The following NPAS3 variants were observed in gnomAD, a reference collection of about 807,000 sequenced individuals.
NPAS3 encodes neuronal PAS domain-containing protein 3.
Under a neutral mutation model 73.1 loss-of-function variants are expected in NPAS3, and 14 were observed. The ratio of observed to expected loss-of-function variants is 0.19; its 90% CI spans 0.13 to 0.30. The LOEUF is 0.30. NPAS3 is among the 10% of genes least tolerant of loss of function. The probability of loss-of-function intolerance (pLI) is 1.00; values close to 1 mark genes in which losing one functional copy is unlikely to be tolerated. For missense variants in NPAS3, 1,096 were observed against 1,250.0 expected, an observed-to-expected ratio of 0.88 and a Z score of 1.86; for synonymous variants, 620 against 541.5, an observed-to-expected ratio of 1.14 and a Z score of -2.01.
chr14:33,240,476 C>CTT (rs1023305844), intron 3 of NPAS3, among the ~76,000 whole-genome samples: 25 of 151,816 alleles, frequency 1.6e-4, no homozygotes, highest in Non-Finnish European at 2.7e-4. Context: ...ATAAAGCCTT[C>CTT]TTTTTGTGTT....
chr14:33,451,572 T>C (rs2049792584), intron 4 of NPAS3, among the ~76,000 whole-genome samples: 1 of 152,218 alleles, frequency 6.6e-6, no homozygotes, highest in Non-Finnish European at 1.5e-5. Context: ...GATAGACACT[T>C]TATAAGTTTT....
chr14:33,114,093 T>C (rs2042984000), intron 2 of NPAS3, among the ~76,000 whole-genome samples: 1 of 152,164 alleles, frequency 6.6e-6, no homozygotes, highest in South Asian at 2.1e-4. Flanking sequence ...TGGAGTGCAG[T>C]GGCACGATCT....
At chr14:33,712,009 G>T (rs139152288) in intron 6 of NPAS3, among the ~76,000 whole-genome samples, 1 of 152,152 alleles carries the variant, frequency 6.6e-6, no homozygotes, top group South Asian at 2.1e-4. Context: ...CTTCCTCTCC[G>T]TTTGTTCTCA....
intron 3 of NPAS3, among the ~76,000 whole-genome samples, chr14:33,256,888 G>T (rs903662914): frequency 6.6e-6 from 1 of 152,122 alleles, no homozygotes; most frequent in Non-Finnish European, 1.5e-5. Context: ...GGCTCTTAGC[G>T]GTCATTGAGA....
At chr14:33,118,120 A>G (rs532071090) in intron 2 of NPAS3, among the ~76,000 whole-genome samples, 2 of 152,170 alleles carry the variant, frequency 1.3e-5, no homozygotes, top group South Asian at 2.1e-4. Flanking sequence ...CTTTCACATA[A>G]TTGTTGTCTT....
chr14:33,565,696 G>T (rs780690510), intron 5 of NPAS3, among the ~76,000 whole-genome samples: 1 of 152,024 alleles, frequency 6.6e-6, no homozygotes, highest in Non-Finnish European at 1.5e-5. Flanking sequence ...CTAAAGAGCT[G>T]GAATATAAAG....
intron 2 of NPAS3, among the ~76,000 whole-genome samples, chr14:33,089,113 C>A (rs141030605): frequency 6.6e-6 from 1 of 152,212 alleles, no homozygotes; most frequent in East Asian, 1.9e-4. Context: ...CAAAGGAACG[C>A]AGCTGCTCGC....
In NPAS3 at chr14:33,512,024, T is replaced by A. The variant is rs368351805; in HGVS notation, c.469-48097T>A. Among the ~76,000 whole-genome samples the A allele has an allele frequency of 8.5e-5, 13 of 152,178 alleles. No homozygotes were observed. The South Asian group carries it at 2.7e-3, about 32-fold the overall frequency. On this transcript the variant is annotated intron_variant, in intron 4 of 11. Transcript: ENST00000356141. ...GCATGGGTTGAGTAGCACCACTCTA[T>A]ATAGGAACCAATTTTGAACAGTCTT...
chr14:33,183,860 A>T (rs912452315), intron 2 of NPAS3, among the ~76,000 whole-genome samples: 11 of 152,114 alleles, frequency 7.2e-5, no homozygotes, highest in African/African-American at 2.7e-4. Flanking sequence ...AGCCATATTC[A>T]TGTGCCCCAT....
intron 2 of NPAS3, among the ~76,000 whole-genome samples, chr14:33,118,925 T>C (rs756445443): frequency 3.0e-4 from 46 of 151,712 alleles, no homozygotes; most frequent in Non-Finnish European, 5.6e-4. Context: ...GGATTTTATT[T>C]ATGCAGCAGA....
At chr14:33,232,550 G>A (rs150183231) in intron 3 of NPAS3, among the ~76,000 whole-genome samples, 3 of 152,094 alleles carry the variant, frequency 2.0e-5, no homozygotes, top group East Asian at 3.9e-4. Flanking sequence ...CTTCTTCTGC[G>A]TTGCTCTCTC....
intron 7 of NPAS3, among the ~76,000 whole-genome samples, chr14:33,741,131 T>C (rs2061645881): frequency 6.6e-6 from 1 of 152,176 alleles, no homozygotes; most frequent in South Asian, 2.1e-4. Flanking sequence ...CAGACAAGTG[T>C]GGATGGACTA....
At chr14:32,989,520 T>C (rs993740345) in intron 1 of NPAS3, among the ~76,000 whole-genome samples, 1 of 151,978 alleles carries the variant, frequency 6.6e-6, no homozygotes, top group South Asian at 2.1e-4. Flanking sequence ...GGCGGGCGCC[T>C]GTAGTCCCAG....
chr14:33,757,477 A>T (rs1407566597), intron 7 of NPAS3, among the ~76,000 whole-genome samples: 1 of 152,148 alleles, frequency 6.6e-6, no homozygotes, highest in African/African-American at 2.4e-5. Flanking sequence ...TTCCTTAAAG[A>T]TACTCTAGGA....
At chr14:33,515,326 G>A (rs947567745) in intron 4 of NPAS3, among the ~76,000 whole-genome samples, 1 of 152,024 alleles carries the variant, frequency 6.6e-6, no homozygotes, top group Admixed American at 6.6e-5. Flanking sequence ...TATTTTGAAT[G>A]GGCATATTTA....
intron 7 of NPAS3, 73 bp downstream of exon 7, chr14:33,735,405 CT>C (rs2061498139): frequency 9.8e-7 from 1 of 1,023,800 alleles, no homozygotes; most frequent in Non-Finnish European, 1.6e-6. Flanking sequence ...AATTTTCCAG[CT>C]GCTTTAGGTC....
At chr14:33,085,681 C>T (rs140083717) in intron 2 of NPAS3, among the ~76,000 whole-genome samples, 12 of 151,902 alleles carry the variant, frequency 7.9e-5, no homozygotes, top group East Asian at 1.9e-4. Context: ...CTAAGCATGC[C>T]GTTTTTCTTG....
chr14:33,799,449 T>C (rs1044899404), intron 11 of NPAS3, among the ~76,000 whole-genome samples: 1 of 152,202 alleles, frequency 6.6e-6, no homozygotes, highest in Non-Finnish European at 1.5e-5. Context: ...TCAGTCTACC[T>C]GGGTGGGAGC....
At chr14:33,171,668 C>T (rs1244003037) in intron 2 of NPAS3, among the ~76,000 whole-genome samples, 1 of 152,196 alleles carries the variant, frequency 6.6e-6, no homozygotes, top group African/African-American at 2.4e-5. Flanking sequence ...TCCCTGTCAG[C>T]AATAAGCCTC....
Sources: allele counts gnomAD v4.1 joint callset (sites outside exome capture counted in the v4.1 genomes callset), GRCh38; gene constraint gnomAD v4.1.1; transcripts MANE v1.5; gene names NCBI Gene and HGNC (gene_info 2026-07-23, HGNC 2026-07-21).